CAST: variants seen among roughly 807,000 people sequenced by gnomAD.
CAST encodes the protein MIR583 host.
CAST carries 76 observed loss-of-function variants against 119.6 expected under a neutral mutation model. The observed-to-expected ratio is 0.64, with a 90% CI of 0.53 to 0.77. The LOEUF (loss-of-function observed/expected upper bound fraction) is 0.77. CAST is among the 30% of genes least tolerant of loss of function. CAST has a pLI of 0.00. For missense variants in CAST, 953 were observed against 946.5 expected (o/e 1.01, Z -0.09); for synonymous variants, 319 against 331.6 (o/e 0.96, Z 0.41).
chr5:96,439,451 A>T, the CAST span, among the ~76,000 whole-genome samples: 1 of 152,222 alleles, frequency 6.6e-6, no homozygotes, highest in Non-Finnish European at 1.5e-5. Flanking sequence ...ATTCCCCATG[A>T]CTGAGGAATT....
the CAST span, among the ~76,000 whole-genome samples, chr5:96,417,309 A>G: frequency 6.6e-6 from 1 of 152,142 alleles, no homozygotes; most frequent in African/African-American, 2.4e-5. Context: ...TAGGAATTCT[A>G]AGTCAGGACA....
At chr5:96,515,751 C>T in the CAST span, among the ~76,000 whole-genome samples, 1 of 152,128 alleles carries the variant, frequency 6.6e-6, no homozygotes, top group African/African-American at 2.4e-5. Flanking sequence ...TCTTCCCCTT[C>T]CTCCCTGCTC....
the CAST span, among the ~76,000 whole-genome samples, chr5:96,343,380 T>C: frequency 6.6e-6 from 1 of 152,188 alleles, no homozygotes; most frequent in East Asian, 1.9e-4. Flanking sequence ...ATGTTTTCAG[T>C]TTAAAGTTCT....
chr5:96,268,792 A>G, the CAST span, among the ~76,000 whole-genome samples: 1 of 152,198 alleles, frequency 6.6e-6, no homozygotes, highest in East Asian at 1.9e-4. Context: ...TACTTTTATC[A>G]GATAAAGTAG....
intron 1 of CAST, among the ~76,000 whole-genome samples, chr5:96,647,292 C>A (rs554102955): frequency 1.3e-5 from 2 of 152,306 alleles, no homozygotes; most frequent in Non-Finnish European, 2.9e-5. Flanking sequence ...TGTACAAGAT[C>A]ATACACTGAG....
the CAST span, among the ~76,000 whole-genome samples, chr5:96,139,108 GT>G: frequency 6.6e-6 from 1 of 151,718 alleles, no homozygotes; most frequent in Non-Finnish European, 1.5e-5. Flanking sequence ...TCTATTCCTG[GT>G]TTGCTGTATG....
the CAST span, among the ~76,000 whole-genome samples, chr5:96,057,289 C>T: frequency 6.6e-6 from 1 of 152,264 alleles, no homozygotes; most frequent in East Asian, 1.9e-4. Flanking sequence ...AATTTAACAA[C>T]ACTTTTAGGC....
intron 1 of CAST, among the ~76,000 whole-genome samples, chr5:96,607,725 A>C (rs1747286273): frequency 6.6e-6 from 1 of 151,510 alleles, no homozygotes; most frequent in African/African-American, 2.4e-5. Context: ...TGGTCTGGCC[A>C]CGATGCTCTT....
the CAST span, among the ~76,000 whole-genome samples, chr5:96,387,515 C>A: frequency 7.8e-4 from 118 of 150,724 alleles, 2 homozygotes; most frequent in South Asian, 0.019. Context: ...GAATTTGAAA[C>A]AGCCCATAAA....
At chr5:96,757,346 C>G in intron 22 of CAST, 98 bp from the exon 23 acceptor site, 4 of 1,044,896 alleles carry the variant, frequency 3.8e-6, no homozygotes, top group East Asian at 2.4e-5. Context: ...TGTACAACAG[C>G]AAGTATAACC....
chr5:96,708,977 G>A (rs6864233), intron 3 of CAST, among the ~76,000 whole-genome samples: 20,438 of 152,158 alleles, frequency 0.13, 1,459 homozygotes, highest in Middle Eastern at 0.18. Context: ...TTTTCCATGA[G>A]AGTCCTTTTT....
the CAST span, among the ~76,000 whole-genome samples, chr5:96,110,221 G>C: frequency 6.6e-6 from 1 of 152,120 alleles, no homozygotes; most frequent in African/African-American, 2.4e-5. Flanking sequence ...CTGGTTCTGG[G>C]AAGTTTTATC....
chr5:96,561,456 A>G (rs912414653), intron 1 of CAST, among the ~76,000 whole-genome samples: 1 of 151,748 alleles, frequency 6.6e-6, no homozygotes, highest in Admixed American at 6.6e-5. Context: ...GCAGCAAACT[A>G]TCACAAGATC....
the CAST span, among the ~76,000 whole-genome samples, chr5:96,421,102 G>A: frequency 6.6e-6 from 1 of 152,212 alleles, no homozygotes; most frequent in Non-Finnish European, 1.5e-5. Context: ...CACTTTGAGG[G>A]TCCACATGCC....
chr5:96,459,555 T>G, the CAST span, among the ~76,000 whole-genome samples: 1 of 152,264 alleles, frequency 6.6e-6, no homozygotes, highest in African/African-American at 2.4e-5. Flanking sequence ...GTATAGTAAT[T>G]ACAGGATTCA....
chr5:96,488,123 T>C, the CAST span, among the ~76,000 whole-genome samples: 2 of 152,296 alleles, frequency 1.3e-5, no homozygotes, highest in African/African-American at 4.8e-5. Flanking sequence ...TCAAGTGAGG[T>C]TGGGAAAAAC....
the CAST span, chr5:96,416,221 C>G: frequency 1.2e-6 from 1 of 822,370 alleles, no homozygotes. Flanking sequence ...AACTTTTTGT[C>G]GGCCTTGTTA....
chr5:96,473,755 G>A, the CAST span, among the ~76,000 whole-genome samples: 4 of 152,212 alleles, frequency 2.6e-5, no homozygotes, highest in Admixed American at 6.5e-5. Flanking sequence ...TAGGAGGTGA[G>A]TACAACTGAC....
chr5:96,299,393 A>G, the CAST span, among the ~76,000 whole-genome samples: 1 of 152,224 alleles, frequency 6.6e-6, no homozygotes, highest in African/African-American at 2.4e-5. Flanking sequence ...GAAATATTCT[A>G]ATAGTGTCAC....
Sources: gnomAD v4.1 joint callset for allele counts (sites outside exome capture counted in the v4.1 genomes callset) on GRCh38, gnomAD v4.1.1 for gene constraint, MANE v1.5 for transcripts, NCBI Gene and HGNC (gene_info 2026-07-23, HGNC 2026-07-21) for gene names.